Variants in RSU1 observed in about 807,000 individuals in gnomAD.
RSU1 encodes the protein rsu-1.
A neutral mutation model predicts 31.1 loss-of-function variants in RSU1; 26 were observed. That is an observed-to-expected ratio of 0.84 (90% CI 0.61 to 1.16). The LOEUF is 1.16. Ranked by LOEUF, RSU1 falls within the 50% of genes most tolerant of loss-of-function variation. The pLI is 0.00. For missense variants in RSU1, 320 were observed against 339.1 expected (o/e 0.94, Z 0.44); for synonymous variants, 164 against 136.3 (o/e 1.20, Z -1.41).
intron 7 of RSU1, among the ~76,000 whole-genome samples, chr10:16,718,548 TC>T (rs1836190591): frequency 6.6e-6 from 1 of 152,116 alleles, no homozygotes; most frequent in Admixed American, 6.6e-5. Context: ...GAGAGCCAGG[TC>T]CCCTAGCCAA....
chr10:16,594,668 T>C (rs1247054970), intron 8 of RSU1, among the ~76,000 whole-genome samples: 1 of 141,206 alleles, frequency 7.1e-6, no homozygotes, highest in Non-Finnish European at 1.5e-5. Flanking sequence ...ATATATTATC[T>C]ATATCATATA....
chr10:16,664,234 G>A lies in RSU1; in HGVS notation c.731+30789C>T, dbSNP rs535714019. The stretch of plus-strand genomic sequence containing the variant: ...TGAGGGAAATTACAGATCACTCCAC[G>A]GATATTCCATTTTCTGTACCCATAC... On this transcript the variant is annotated intron_variant, in intron 8 of 8. Coordinates refer to ENST00000345264, the MANE Select transcript of RSU1 (RefSeq NM_012425.4). 3.9e-5 allele frequency among the ~76,000 whole-genome samples: 6 copies of A among 152,202 alleles called. No individual in the cohort carries two copies. The East Asian group carries it at 5.8e-4, about 15-fold the overall frequency.
intron 8 of RSU1, among the ~76,000 whole-genome samples, chr10:16,620,342 C>T (rs1239312991): frequency 6.6e-6 from 1 of 152,016 alleles, no homozygotes; most frequent in Non-Finnish European, 1.5e-5. Flanking sequence ...TGAAAGGAAT[C>T]ACATCTACAT....
chr10:16,747,206 T>G (rs1236364373), intron 7 of RSU1, among the ~76,000 whole-genome samples: 1 of 152,218 alleles, frequency 6.6e-6, no homozygotes, highest in Non-Finnish European at 1.5e-5. Context: ...GGAACCATAG[T>G]GCTTCAGGCT....
At chr10:16,624,518 GCC>G (rs1378495046) in intron 8 of RSU1, among the ~76,000 whole-genome samples, 1 of 151,978 alleles carries the variant, frequency 6.6e-6, no homozygotes, top group Non-Finnish European at 1.5e-5. Context: ...CCACCCTTGT[GCC>G]CCAGACTCCC....
chr10:16,797,733 GAAAAAAATTAGAAACA>G (rs1838068870), intron 2 of RSU1, among the ~76,000 whole-genome samples: 3 of 146,908 alleles, frequency 2.0e-5, no homozygotes, highest in African/African-American at 7.5e-5. Context: ...CAAAACTTAA[GAAAAAAATTAGAAACA>G]AAAAAAATTA....
At chr10:16,601,387 G>C (rs1449104741) in intron 8 of RSU1, among the ~76,000 whole-genome samples, 1 of 152,204 alleles carries the variant, frequency 6.6e-6, no homozygotes. Context: ...AAGTAAAGTT[G>C]TATATGTATA....
intron 8 of RSU1, among the ~76,000 whole-genome samples, chr10:16,607,583 C>A (rs1239880397): frequency 6.6e-6 from 1 of 152,108 alleles, no homozygotes; most frequent in Non-Finnish European, 1.5e-5. Flanking sequence ...CTGCTACTCC[C>A]CATCTCATAT....
intron 3 of RSU1, among the ~76,000 whole-genome samples, chr10:16,779,408 G>A (rs1041604913): frequency 6.6e-6 from 1 of 152,046 alleles, no homozygotes; most frequent in Non-Finnish European, 1.5e-5. Context: ...CAAAACCACT[G>A]GCAAGAAAAG....
chr10:16,812,073 T>G (rs1838420842), intron 2 of RSU1, among the ~76,000 whole-genome samples: 1 of 152,016 alleles, frequency 6.6e-6, no homozygotes, highest in South Asian at 2.1e-4. Context: ...CGAAAAGGGC[T>G]CCCCAGGCCA....
intron 7 of RSU1, among the ~76,000 whole-genome samples, chr10:16,740,852 C>T (rs544797714): frequency 1.3e-5 from 2 of 152,294 alleles, no homozygotes; most frequent in African/African-American, 4.8e-5. Context: ...TGGATCTGAA[C>T]TGAAGCCTTC....
intron 7 of RSU1, among the ~76,000 whole-genome samples, chr10:16,704,575 A>C (rs1003369420): frequency 6.6e-6 from 1 of 152,360 alleles, no homozygotes; most frequent in South Asian, 2.1e-4. Context: ...GAGATGATTT[A>C]GGAGCACTGG....
At chr10:16,772,323 G>A (rs190059392) in intron 3 of RSU1, among the ~76,000 whole-genome samples, 1 of 152,250 alleles carries the variant, frequency 6.6e-6, no homozygotes, top group East Asian at 1.9e-4. Flanking sequence ...CTCCTCTGAG[G>A]ATATAAAAAT....
At chr10:16,638,082 T>C (rs1038408974) in intron 8 of RSU1, among the ~76,000 whole-genome samples, 3 of 152,310 alleles carry the variant, frequency 2.0e-5, no homozygotes, top group South Asian at 2.1e-4. Context: ...GGCCAGAAGA[T>C]TGTAGCGATG....
intron 8 of RSU1, among the ~76,000 whole-genome samples, chr10:16,658,613 A>T (rs757047688): frequency 3.0e-4 from 46 of 152,284 alleles, no homozygotes; most frequent in Middle Eastern, 3.4e-3. Context: ...AATCCCAGCT[A>T]CTCAGGAGGC....
intron 8 of RSU1, among the ~76,000 whole-genome samples, chr10:16,664,720 T>C (rs73603135): frequency 0.022 from 3,281 of 152,312 alleles, 121 homozygotes; most frequent in African/African-American, 0.074. Flanking sequence ...ATTAATATTC[T>C]AGCTAAAGAG....
intron 8 of RSU1, among the ~76,000 whole-genome samples, chr10:16,658,786 T>A (rs1834834975): frequency 6.6e-6 from 1 of 152,196 alleles, no homozygotes; most frequent in South Asian, 2.1e-4. Flanking sequence ...AGATTTTTGT[T>A]AAATCAGCTT....
chr10:16,651,041 ATAAAT>A (rs1834676911), intron 8 of RSU1, among the ~76,000 whole-genome samples: 1 of 152,244 alleles, frequency 6.6e-6, no homozygotes, highest in Non-Finnish European at 1.5e-5. Flanking sequence ...TCTTTATTAG[ATAAAT>A]TAATTTTTAT....
chr10:16,685,755 A>G (rs1002873060), intron 8 of RSU1, among the ~76,000 whole-genome samples: 1 of 152,164 alleles, frequency 6.6e-6, no homozygotes, highest in African/African-American at 2.4e-5. Flanking sequence ...TGCTTTAACC[A>G]TCTGGGAATG....
Sources: gnomAD v4.1 joint callset for allele counts (sites outside exome capture counted in the v4.1 genomes callset) on GRCh38, gnomAD v4.1.1 for gene constraint, MANE v1.5 for transcripts, NCBI Gene and HGNC (gene_info 2026-07-23, HGNC 2026-07-21) for gene names.